ANGPTL1: variants seen among roughly 807,000 people sequenced by gnomAD.
ANGPTL1 encodes angiopoietin-related protein 1.
Under a neutral mutation model 46.7 loss-of-function variants are expected in ANGPTL1, and 36 were observed. That is an observed-to-expected ratio of 0.77 (90% CI 0.59 to 1.02). ANGPTL1 has a LOEUF of 1.02. Ranked by LOEUF, ANGPTL1 falls within the 50% of genes least tolerant of loss-of-function variation. The probability of loss-of-function intolerance (pLI) is 0.00; values close to 1 mark genes in which losing one functional copy is unlikely to be tolerated. For synonymous variants in ANGPTL1, 221 were observed against 204.3 expected, an observed-to-expected ratio of 1.08 and a Z score of -0.69; for missense variants, 571 against 594.7, an observed-to-expected ratio of 0.96 and a Z score of 0.41.
At chr1:178,855,117 T>C (rs1558151716) in intron 3 of ANGPTL1, among the ~76,000 whole-genome samples, 1 of 152,066 alleles carries the variant, frequency 6.6e-6, no homozygotes, top group Non-Finnish European at 1.5e-5. Context: ...ATAAGGATAA[T>C]AGGATTGTTG....
chr1:178,861,491 A>G (rs545217584), intron 3 of ANGPTL1, among the ~76,000 whole-genome samples: 1 of 152,018 alleles, frequency 6.6e-6, no homozygotes, highest in African/African-American at 2.4e-5. Context: ...AATAAAACAT[A>G]GAATTGGTAT....
rs757333499 is a variant in ANGPTL1, at chr1:178,865,394, G to A, written c.383C>T (p.Ser128Phe). 4 of 1,613,976 alleles carry A rather than the reference G, an allele frequency of 2.5e-6. No individual in the cohort carries two copies. The highest frequency in any genetic ancestry group is 2.2e-5 in the South Asian group (2 of 91,078). ...LLRKESRNMNSRVTQLYMQLL... is the reference protein window; with the variant it reads ...LLRKESRNMNFRVTQLYMQLL... The stretch of plus-strand genomic sequence containing the variant: ...TTGCATATAGAGTTGAGTAACACGA[G>A]AGTTCATGTTACGGCTTTCCTTTCT... Residue 128 changes from serine to phenylalanine, a missense_variant, in exon 3 of 6, where the codon TCT becomes TTT. Physicochemically the swap from Ser to Phe is radical, Grantham distance 155. Transcript: ENST00000234816.
At chr1:178,856,394 A>ATTTTTTCTT (rs1657576301) in intron 3 of ANGPTL1, among the ~76,000 whole-genome samples, 1 of 36,432 alleles carries the variant, frequency 2.7e-5, no homozygotes, top group African/African-American at 1.5e-4. Flanking sequence ...TGCCTGGCTA[A>ATTTTTTCTT]TTTTTTTTTT....
Position 178,865,441 on chromosome 1 carries a change from A to G in ANGPTL1, c.336T>C (p.Ile112=), listed in dbSNP as rs770427869. 3.0e-5 allele frequency: 48 copies of G among 1,613,876 alleles called. No homozygotes were observed. Among genetic ancestry groups the G allele is most frequent in the Non-Finnish European group, 4.0e-5 (47 of 1,180,002 alleles). The change falls in exon 3 of 6, where the codon ATT becomes ATC. Residue 112 remains isoleucine, a synonymous_variant. Transcript: ENST00000234816. The part of the protein sequence containing the change: ...LQLVVDVDGN[I]VNEVKLLRKE... ...TTCTCAGCAGCTTTACCTCATTCAC[A>G]ATGTTTCCATCTACATCCACCACCA...
At chr1:178,859,825 C>CG (rs1296111751) in intron 3 of ANGPTL1, among the ~76,000 whole-genome samples, 3 of 70,898 alleles carry the variant, frequency 4.2e-5, no homozygotes, top group Admixed American at 2.6e-4. Flanking sequence ...TGCCCGCCCC[C>CG]CCCCCCCCAA....
At chr1:178,858,879 AT>A (rs1484205045) in intron 3 of ANGPTL1, among the ~76,000 whole-genome samples, 5 of 152,222 alleles carry the variant, frequency 3.3e-5, no homozygotes, top group Non-Finnish European at 7.4e-5. Context: ...AGAATTACAG[AT>A]TACAAAGAGA....
At chr1:178,869,760 AT>A (rs1287783923) in intron 1 of ANGPTL1, among the ~76,000 whole-genome samples, 1 of 152,084 alleles carries the variant, frequency 6.6e-6, no homozygotes, top group Non-Finnish European at 1.5e-5. Flanking sequence ...AATATCTTTA[AT>A]TTTTACAAGG....
intron 3 of ANGPTL1, among the ~76,000 whole-genome samples, chr1:178,856,580 G>A (rs1283779343): frequency 6.6e-6 from 1 of 150,936 alleles, no homozygotes; most frequent in Non-Finnish European, 1.5e-5. Flanking sequence ...TATTTTGAAT[G>A]TTAAACCAAC....
chr1:178,849,938 A>G lies in ANGPTL1; in HGVS notation c.*1191T>C, dbSNP rs1657065557. On this transcript the variant is annotated 3_prime_UTR_variant, in exon 6 of 6. Transcript: ENST00000234816. Reference sequence around the variant, plus strand: ...TTTAACTTCACAAATATATTAAGGCAAGGTCACCTCTAAGCAGTGAATATG... The same window carrying G: ...TTTAACTTCACAAATATATTAAGGCGAGGTCACCTCTAAGCAGTGAATATG... 1 of 152,386 alleles carries G rather than the reference A, an allele frequency of 6.6e-6. No homozygotes were observed. The highest frequency in any genetic ancestry group is 2.4e-5 in the African/African-American group (1 of 41,472). The allele number at this position is 152,386 out of a possible 1,614,324, so 9.4% of individuals were successfully genotyped here.
intron 2 of ANGPTL1, among the ~76,000 whole-genome samples, chr1:178,866,414 A>G (rs1658416035): frequency 6.6e-6 from 1 of 152,140 alleles, no homozygotes; most frequent in Admixed American, 6.6e-5. Flanking sequence ...TTTTATTTTT[A>G]TAGCATCTCC....
intron 2 of ANGPTL1, among the ~76,000 whole-genome samples, chr1:178,868,372 C>T (rs924451977): frequency 6.6e-5 from 10 of 151,904 alleles, no homozygotes. Context: ...TAACTTACCA[C>T]TGCTAAAGTC....
At position 178,849,796 on chromosome 1, in the gene ANGPTL1, A is replaced by G. The variant is rs1657058484; in HGVS notation, c.*1333T>C. ...AACATTGGTCATGTTGATGGATTTG[A>G]GTTGTCCAAATGATTATCTTCACAT... On this transcript the variant is annotated 3_prime_UTR_variant, in exon 6 of 6. Transcript: ENST00000234816. 1 of 152,234 alleles carries G rather than the reference A, an allele frequency of 6.6e-6. No homozygotes were observed. The highest frequency in any genetic ancestry group is 1.5e-5 in the Non-Finnish European group (1 of 68,040). 9.4% of individuals were successfully genotyped at this position (152,234 alleles called of 1,614,324 possible).
At chr1:178,856,666 C>G (rs771629376) in intron 3 of ANGPTL1, among the ~76,000 whole-genome samples, 10 of 151,864 alleles carry the variant, frequency 6.6e-5, no homozygotes, top group Admixed American at 1.3e-4. Context: ...AAGTAGTCAT[C>G]ATCGGTAATT....
chr1:178,866,954 T>C (rs1658452326), intron 2 of ANGPTL1, among the ~76,000 whole-genome samples: 1 of 152,116 alleles, frequency 6.6e-6, no homozygotes, highest in East Asian at 1.9e-4. Flanking sequence ...GGGTAAGGTA[T>C]GTTCACTCTG....
At chr1:178,860,357 T>C (rs1001062308) in intron 3 of ANGPTL1, among the ~76,000 whole-genome samples, 1 of 152,186 alleles carries the variant, frequency 6.6e-6, no homozygotes, top group African/African-American at 2.4e-5. Context: ...ATACTATTTT[T>C]TATAACTTCA....
Position 178,865,137 on chromosome 1 carries a change from G to A in ANGPTL1, c.640C>T (p.Pro214Ser). 1 of 1,595,866 alleles carries A rather than the reference G, an allele frequency of 6.3e-7. No homozygotes were observed. The highest frequency in any genetic ancestry group is 8.6e-7 in the Non-Finnish European group (1 of 1,169,026). Residue 214 changes from proline (P) to serine (S), a missense_variant, in exon 3 of 6, where the codon CCA becomes TCA. Transcript: ENST00000234816. ...FSRQDTHVSP[P>S]LVQVVPQHIP... Reference sequence around the variant, plus strand: ...TGTTGTGGCACCACCTGGACAAGTGGGGGAGACACATGGGTGTCTTGTCGG... The same window carrying A: ...TGTTGTGGCACCACCTGGACAAGTGAGGGAGACACATGGGTGTCTTGTCGG...
intron 2 of ANGPTL1, 103 bp from the exon 3 acceptor site, chr1:178,865,905 AT>A: frequency 1.5e-6 from 1 of 667,660 alleles, no homozygotes; most frequent in Non-Finnish European, 2.5e-6. Context: ...AAAACTGAAT[AT>A]TTATTGGTGT....
In ANGPTL1 at chr1:178,850,178, C is replaced by G. The variant is rs1023407958; in HGVS notation, c.*951G>C. 1.3e-5 allele frequency: 2 copies of G among 152,592 alleles called. No homozygotes were observed. Among genetic ancestry groups the G allele is most frequent in the African/African-American group, 4.8e-5 (2 of 41,426 alleles). 9.5% of individuals were successfully genotyped at this position (152,592 alleles called of 1,614,324 possible). ...TTCCTTGAGTTTGTTTTAGTCCCAC[C>G]TGTTCTGAGCATGCACTAATACTTG... is the stretch of plus-strand genomic sequence containing the variant. On this transcript the variant is annotated 3_prime_UTR_variant, in exon 6 of 6. Transcript: ENST00000234816.
At position 178,851,119 on chromosome 1, in the gene ANGPTL1, G is replaced by C; in HGVS notation, c.*10C>G. The C allele has an allele frequency of 1.2e-6, 2 of 1,607,586 alleles. No homozygotes were observed. ...AGTTCTGTGTCATTTAAATTGGCGA[G>C]TGTCTCTCTTCAGTCAATAGGCTTG... On this transcript the variant is annotated 3_prime_UTR_variant, in exon 6 of 6. Transcript: ENST00000234816.
Sources: allele counts gnomAD v4.1 joint callset (sites outside exome capture counted in the v4.1 genomes callset), GRCh38; gene constraint gnomAD v4.1.1; transcripts MANE v1.5; gene names NCBI Gene and HGNC (gene_info 2026-07-23, HGNC 2026-07-21).